Variants in KIAA1217 observed in about 807,000 individuals in gnomAD.
The protein encoded by KIAA1217 is sickle tail protein homolog.
KIAA1217 carries 88 observed loss-of-function variants against 163.9 expected under a neutral mutation model. The ratio of observed to expected loss-of-function variants is 0.54; its 90% CI spans 0.45 to 0.64. The LOEUF (loss-of-function observed/expected upper bound fraction) is 0.64. KIAA1217 is among the 30% of genes least tolerant of loss of function. KIAA1217 has a pLI of 0.00. For synonymous variants in KIAA1217, 903 were observed against 923.1 expected (o/e 0.98, Z 0.39); for missense variants, 2,372 against 2,475.0 (o/e 0.96, Z 0.88).
chr10:24,180,699 C>T (rs555869822), intron 2 of KIAA1217, among the ~76,000 whole-genome samples: 8 of 152,316 alleles, frequency 5.3e-5, no homozygotes, highest in African/African-American at 1.9e-4. Context: ...GTTTTGAAGA[C>T]ACATATCATT....
At chr10:24,465,111 C>A (rs1455920628) in intron 5 of KIAA1217, among the ~76,000 whole-genome samples, 1 of 152,206 alleles carries the variant, frequency 6.6e-6, no homozygotes, top group Non-Finnish European at 1.5e-5. Flanking sequence ...CAAAACAAAA[C>A]CTGCCTAATG....
chr10:24,051,702 T>C (rs1461594756), intron 2 of KIAA1217, among the ~76,000 whole-genome samples: 2 of 152,084 alleles, frequency 1.3e-5, no homozygotes, highest in Non-Finnish European at 2.9e-5. Context: ...ATTTCCCTGA[T>C]AGTGATGTTG....
intron 3 of KIAA1217, among the ~76,000 whole-genome samples, chr10:24,403,206 A>G (rs1432819317): frequency 6.6e-6 from 1 of 152,132 alleles, no homozygotes; most frequent in East Asian, 1.9e-4. Context: ...AAAGTTGATA[A>G]TTGGATCTTA....
At chr10:24,136,301 G>T (rs1451312164) in intron 2 of KIAA1217, among the ~76,000 whole-genome samples, 3 of 152,222 alleles carry the variant, frequency 2.0e-5, no homozygotes, top group African/African-American at 7.2e-5. Context: ...ATCAAAAAAT[G>T]GATAAATTAT....
At chr10:24,096,737 C>T (rs2062178265) in intron 2 of KIAA1217, among the ~76,000 whole-genome samples, 1 of 152,146 alleles carries the variant, frequency 6.6e-6, no homozygotes, top group African/African-American at 2.4e-5. Flanking sequence ...CAGGCCTCAG[C>T]TGAAATGCCA....
At chr10:24,124,710 C>T (rs1211449937) in intron 2 of KIAA1217, among the ~76,000 whole-genome samples, 1 of 152,066 alleles carries the variant, frequency 6.6e-6, no homozygotes, top group East Asian at 1.9e-4. Context: ...TCTTTTAATG[C>T]ATTAACTGGT....
chr10:24,081,655 A>T (rs955746513), intron 2 of KIAA1217, among the ~76,000 whole-genome samples: 1 of 152,152 alleles, frequency 6.6e-6, no homozygotes, highest in African/African-American at 2.4e-5. Flanking sequence ...CCACATTGGA[A>T]AAAGAAGAAT....
chr10:23,723,971 G>A (rs934148192), intron 1 of KIAA1217, among the ~76,000 whole-genome samples: 4 of 152,122 alleles, frequency 2.6e-5, no homozygotes, highest in East Asian at 1.9e-4. Context: ...GAATCATAGC[G>A]GAAGATAAAA....
At chr10:23,996,750 T>C (rs1184798169) in intron 1 of KIAA1217, among the ~76,000 whole-genome samples, 2 of 152,184 alleles carry the variant, frequency 1.3e-5, no homozygotes, top group African/African-American at 4.8e-5. Flanking sequence ...TTTTTAAAAA[T>C]GAACTTTAAC....
chr10:24,098,913 G>A (rs936496079), intron 2 of KIAA1217, among the ~76,000 whole-genome samples: 5 of 152,158 alleles, frequency 3.3e-5, no homozygotes, highest in African/African-American at 1.2e-4. Context: ...GAGACCAGGA[G>A]TTCAAGGCTG....
chr10:24,404,402 A>G (rs1399796226), intron 3 of KIAA1217, among the ~76,000 whole-genome samples: 2 of 151,958 alleles, frequency 1.3e-5, no homozygotes, highest in Admixed American at 1.3e-4. Context: ...CCCTGTCTCT[A>G]CTAAAAATAC....
chr10:24,099,569 TTA>T (rs529207171), intron 2 of KIAA1217, among the ~76,000 whole-genome samples: 94 of 144,178 alleles, frequency 6.5e-4, no homozygotes, highest in East Asian at 3.2e-3. Context: ...CACATTTTCT[TTA>T]TATATATATA....
At chr10:24,523,523 G>C (rs2071622009) in intron 12 of KIAA1217, among the ~76,000 whole-genome samples, 2 of 152,076 alleles carry the variant, frequency 1.3e-5, no homozygotes, top group African/African-American at 4.8e-5. Context: ...AAGGGGATGA[G>C]GGACTAACTA....
intron 1 of KIAA1217, among the ~76,000 whole-genome samples, chr10:23,947,400 C>A (rs1347633014): frequency 6.6e-6 from 1 of 152,194 alleles, no homozygotes; most frequent in Non-Finnish European, 1.5e-5. Flanking sequence ...TTTCCCATTT[C>A]TTTGACTTGC....
At chr10:23,994,603 G>T (rs533475048) in intron 1 of KIAA1217, among the ~76,000 whole-genome samples, 1 of 152,148 alleles carries the variant, frequency 6.6e-6, no homozygotes, top group South Asian at 2.1e-4. Flanking sequence ...TCATGTCTGG[G>T]ATTGACCCTA....
At chr10:24,475,180 TCA>T (rs2063873013) in intron 6 of KIAA1217, among the ~76,000 whole-genome samples, 1 of 152,052 alleles carries the variant, frequency 6.6e-6, no homozygotes, top group Admixed American at 6.5e-5. Context: ...GATCGCACCA[TCA>T]CACTCCAGCC....
At chr10:24,013,801 C>T (rs1024759137) in intron 2 of KIAA1217, among the ~76,000 whole-genome samples, 5 of 152,006 alleles carry the variant, frequency 3.3e-5, no homozygotes, top group East Asian at 1.9e-4. Context: ...CTTGGCCATG[C>T]GCTATGGGGA....
At position 24,437,906 on chromosome 10, in the gene KIAA1217, C is replaced by CAAAA. The variant is rs58645832; in HGVS notation, c.753-464_753-461dup. Among the ~76,000 whole-genome samples, 225 of 63,674 alleles carry CAAAA rather than the reference C, an allele frequency of 3.5e-3. 2 individuals carry two copies. The highest frequency in any genetic ancestry group is 6.8e-3 in the East Asian group (16 of 2,370). 41.8% of individuals were successfully genotyped at this position (63,674 alleles called of 152,430 possible). A position where few individuals can be genotyped will look rare whatever the true frequency, so the allele number is the denominator to read the frequency against. ...TTCAGTTGCCGAAAGTGTTTGAAGG[C>CAAAA]AAAAAAAAAAAAAAAAAAAGAAAAA... On this transcript the variant is annotated intron_variant, in intron 4 of 20. Coordinates refer to ENST00000376454, the MANE Select transcript of KIAA1217 (RefSeq NM_019590.5).
At chr10:23,926,511 G>T (rs1319218724) in intron 1 of KIAA1217, among the ~76,000 whole-genome samples, 3 of 152,116 alleles carry the variant, frequency 2.0e-5, no homozygotes, top group Non-Finnish European at 4.4e-5. Context: ...GATCACCTGA[G>T]GTCAGGAGTT....
Sources: allele counts gnomAD v4.1 joint callset (sites outside exome capture counted in the v4.1 genomes callset), GRCh38; gene constraint gnomAD v4.1.1; transcripts MANE v1.5; gene names NCBI Gene and HGNC (gene_info 2026-07-23, HGNC 2026-07-21).